KCNJ1: variants seen among roughly 807,000 people sequenced by gnomAD.
KCNJ1 encodes the protein potassium inwardly rectifying channel subfamily J member 1, also known as ATP-sensitive inward rectifier potassium channel 1.
KCNJ1 carries 24 observed loss-of-function variants against 21.9 expected under a neutral mutation model. The observed-to-expected ratio is 1.10, with a 90% CI of 0.79 to 1.54. The LOEUF (loss-of-function observed/expected upper bound fraction) is 1.54, where lower values mean the gene tolerates loss of function less well. KCNJ1 is among the 40% of genes most tolerant of loss of function. KCNJ1 has a pLI of 0.00. For missense variants in KCNJ1, 457 were observed against 455.4 expected, an observed-to-expected ratio of 1.00 and a Z score of -0.03; for synonymous variants, 152 against 160.9, an observed-to-expected ratio of 0.94 and a Z score of 0.42.
intron 1 of KCNJ1, among the ~76,000 whole-genome samples, chr11:128,862,612 G>C (rs1177741903): frequency 6.6e-6 from 1 of 152,208 alleles, no homozygotes; most frequent in Non-Finnish European, 1.5e-5. Flanking sequence ...AGCCACTCTT[G>C]TACCTGCCAT....
intron 1 of KCNJ1, among the ~76,000 whole-genome samples, chr11:128,859,678 C>A (rs1177587384): frequency 6.6e-6 from 1 of 152,194 alleles, no homozygotes; most frequent in Non-Finnish European, 1.5e-5. Context: ...CTGGCCCTCC[C>A]TCCTCACCTC....
rs369837919 is a variant in KCNJ1, at chr11:128,863,218, C to A, written c.-192+3955G>T. 3.5e-4 allele frequency among the ~76,000 whole-genome samples: 53 copies of A among 152,286 alleles called. 1 individual carries two copies. The Middle Eastern group carries it at 0.014, about 39-fold the overall frequency. On this transcript the variant is annotated intron_variant, in intron 1 of 2. Transcript: ENST00000392666. ...GGGGATATGGTGACACACTGATAGA[C>A]CCCAATAAATACAATTCCTGAATCC...
Position 128,839,688 on chromosome 11 carries a change from C to T in KCNJ1, c.556G>A (p.Gly186Arg), listed in dbSNP as rs1396965013. ...SKNAVISKRG[G>R]KLCLLIRVAN... ...ACTCGGATTAGGAGGCAAAGCTTCCCTCCCCGTTTGCTGATCACTGCGTTC... is the reference window on the plus strand; with the variant it reads ...ACTCGGATTAGGAGGCAAAGCTTCCTTCCCCGTTTGCTGATCACTGCGTTC... Residue 186 changes from glycine to arginine, a missense_variant, in exon 3 of 3, where the codon GGG becomes AGG. Gly to Arg is a moderately radical substitution (Grantham distance 125). Transcript: ENST00000392666. 2 of 1,613,210 alleles carry T rather than the reference C, an allele frequency of 1.2e-6. No individual in the cohort carries two copies. Among genetic ancestry groups the T allele is most frequent in the Admixed American group, 1.7e-5 (1 of 59,996 alleles).
chr11:128,851,219 C>T (rs1443728421), intron 1 of KCNJ1, among the ~76,000 whole-genome samples: 1 of 152,116 alleles, frequency 6.6e-6, no homozygotes, highest in East Asian at 1.9e-4. Flanking sequence ...ACACCACTGC[C>T]TTGAAAATAT....
At chr11:128,844,291 G>T (rs1423346168) in intron 2 of KCNJ1, among the ~76,000 whole-genome samples, 1 of 152,194 alleles carries the variant, frequency 6.6e-6, no homozygotes, top group Non-Finnish European at 1.5e-5. Context: ...AGCAAATAAT[G>T]GAGCATAGAA....
chr11:128,842,527 A>G, intron 2 of KCNJ1: 2 of 1,582,996 alleles, frequency 1.3e-6, no homozygotes, highest in Non-Finnish European at 1.7e-6. Context: ...ACTGACGCTA[A>G]TTTGTGTAAA....
intron 2 of KCNJ1, chr11:128,842,368 C>T (rs765074889): frequency 1.2e-6 from 2 of 1,613,700 alleles, no homozygotes; most frequent in Non-Finnish European, 1.7e-6. Context: ...GTGATTTCCC[C>T]AGCCTCCACT....
chr11:128,855,741 G>C (rs1943576370), intron 1 of KCNJ1, among the ~76,000 whole-genome samples: 2 of 152,254 alleles, frequency 1.3e-5, no homozygotes, highest in African/African-American at 2.4e-5. Flanking sequence ...AGGCCCAGTA[G>C]AGGATCTGGT....
At position 128,838,841 on chromosome 11, in the gene KCNJ1, A is replaced by C; in HGVS notation, c.*284T>G. 11 of 421,056 alleles carry C rather than the reference A, an allele frequency of 2.6e-5. No individual in the cohort carries two copies. In the South Asian group the frequency reaches 3.5e-4, roughly 13 times the overall value. 26.1% of individuals were successfully genotyped at this position (421,056 alleles called of 1,614,324 possible). On this transcript the variant is annotated 3_prime_UTR_variant, in exon 3 of 3. Transcript: ENST00000392666. Reference sequence around the variant, plus strand: ...ACTTTTGATAATTTTATCTGCTCCAATCCACCTTATATGAGCTCAAATAAT... The same window carrying C: ...ACTTTTGATAATTTTATCTGCTCCACTCCACCTTATATGAGCTCAAATAAT...
Position 128,862,569 on chromosome 11 carries a change from C to T in KCNJ1, c.-192+4604G>A, listed in dbSNP as rs74786703. ...AGCCTGGTTGGTAGGTTAGAACGTG[C>T]TCATGCTCTGCCAGTTCGCTGATGT... On this transcript the variant is annotated intron_variant, in intron 1 of 2. Coordinates refer to ENST00000392666, the MANE Select transcript of KCNJ1 (RefSeq NM_153766.3). Among the ~76,000 whole-genome samples the T allele has an allele frequency of 4.9e-3, 752 of 152,308 alleles. 6 individuals are homozygous for T. The highest frequency in any genetic ancestry group is 0.017 in the African/African-American group (696 of 41,574).
In KCNJ1 at chr11:128,839,600, G is replaced by A. The variant is rs547139736; in HGVS notation, c.644C>T (p.Thr215Ile). Residue 215 changes from threonine (T) to isoleucine (I), a missense_variant, in exon 3 of 3, where the codon ACA becomes ATA. Physicochemically the swap from Thr to Ile is moderately conservative, Grantham distance 89. Transcript: ENST00000392666. Reference sequence around the variant, plus strand: ...AATGGTCTCTCCTTCAGGAGTGACTGTGGTCTTCAGAAGCTTTCCATAAAT... The same window carrying A: ...AATGGTCTCTCCTTCAGGAGTGACTATGGTCTTCAGAAGCTTTCCATAAAT... The part of the protein sequence containing the change: ...SHIYGKLLKT[T>I]VTPEGETIIL... 3.1e-6 allele frequency: 5 copies of A among 1,613,992 alleles called. No individual in the cohort carries two copies. The highest frequency in any genetic ancestry group is 4.2e-6 in the Non-Finnish European group (5 of 1,179,896).
chr11:128,839,584 T>C lies in KCNJ1; in HGVS notation c.660A>G (p.Gly220=), dbSNP rs1565522002. Reference sequence around the variant, plus strand: ...TGATCTGGTCCAAAATAATGGTCTCTCCTTCAGGAGTGACTGTGGTCTTCA... The same window carrying C: ...TGATCTGGTCCAAAATAATGGTCTCCCCTTCAGGAGTGACTGTGGTCTTCA... The part of the protein sequence containing the change: ...KLLKTTVTPE[G]ETIILDQINI... The change falls in exon 3 of 3, where the codon GGA becomes GGG. Residue 220 remains glycine (G), a synonymous_variant. Coordinates refer to ENST00000392666, the MANE Select transcript of KCNJ1 (RefSeq NM_153766.3). 1.2e-6 allele frequency: 2 copies of C among 1,614,108 alleles called. No homozygotes were observed. Among genetic ancestry groups the C allele is most frequent in the Non-Finnish European group, 1.7e-6 (2 of 1,179,992 alleles).
At chr11:128,854,412 G>A (rs888712081) in intron 1 of KCNJ1, among the ~76,000 whole-genome samples, 2 of 151,978 alleles carry the variant, frequency 1.3e-5, no homozygotes, top group Admixed American at 6.6e-5. Flanking sequence ...GCATGACCTC[G>A]CAGACAAGCC....
chr11:128,845,818 G>T (rs879682265), intron 2 of KCNJ1, among the ~76,000 whole-genome samples: 2 of 152,116 alleles, frequency 1.3e-5, no homozygotes, highest in Non-Finnish European at 2.9e-5. Context: ...TTTTTGTAGG[G>T]TGAGCATACT....
Position 128,839,845 on chromosome 11 carries a change from C to T in KCNJ1, c.399G>A (p.Gln133=). Residue 133 remains glutamine (Q), a synonymous_variant, in exon 3 of 3, where the codon CAG becomes CAA. Transcript: ENST00000392666. ...TAAGCAGAAAAATGGCAGTGGCACACTGTTCTGTCACACACCTGAATCCAT... is the reference window on the plus strand; with the variant it reads ...TAAGCAGAAAAATGGCAGTGGCACATTGTTCTGTCACACACCTGAATCCAT... ...IGYGFRCVTE[Q]CATAIFLLIF... is the part of the protein sequence containing the mutation. 1 of 1,614,182 alleles carries T rather than the reference C, an allele frequency of 6.2e-7. No individual in the cohort carries two copies. The highest frequency in any genetic ancestry group is 8.5e-7 in the Non-Finnish European group (1 of 1,180,008).
chr11:128,864,076 T>C (rs1328504134), intron 1 of KCNJ1, among the ~76,000 whole-genome samples: 5 of 66,836 alleles, frequency 7.5e-5, no homozygotes, highest in East Asian at 2.6e-4. Flanking sequence ...TTTTCTCTCT[T>C]TTTTTTTTTT....
At chr11:128,846,437 G>A (rs1013039337) in intron 2 of KCNJ1, among the ~76,000 whole-genome samples, 1 of 152,152 alleles carries the variant, frequency 6.6e-6, no homozygotes, top group Non-Finnish European at 1.5e-5. Context: ...GCCAATCGGG[G>A]TCTACCTCCT....
rs1591405483 is a variant in KCNJ1 at position 128,840,235 on chromosome 11, T to C, written c.9A>G (p.Lys3=). The stretch of plus-strand genomic sequence containing the variant: ...GAGTGACGACCCATTTCCGAAGATG[T>C]TTGAACATACTTTCTGTCAACACCC... MF[K]HLRKWVVTRF... Residue 3 remains lysine, a synonymous_variant, in exon 3 of 3, where the codon AAA becomes AAG. Coordinates refer to ENST00000392666, the MANE Select transcript of KCNJ1 (RefSeq NM_153766.3). 6.2e-7 allele frequency: 1 copy of C among 1,614,160 alleles called. No individual in the cohort carries two copies. Among genetic ancestry groups the C allele is most frequent in the East Asian group, 2.2e-5 (1 of 44,892 alleles).
intron 1 of KCNJ1, 136 bp from the exon 2 acceptor site, chr11:128,851,026 T>C (rs1030495990): frequency 3.6e-6 from 1 of 277,760 alleles, no homozygotes; most frequent in Non-Finnish European, 5.5e-6. Context: ...AAAGGTCAGC[T>C]TGGGCTCCAG....
Sources: allele counts gnomAD v4.1 joint callset (sites outside exome capture counted in the v4.1 genomes callset), GRCh38; gene constraint gnomAD v4.1.1; transcripts MANE v1.5; gene names NCBI Gene and HGNC (gene_info 2026-07-23, HGNC 2026-07-21).